The following HDAC9 variants were observed in gnomAD, a reference collection of about 807,000 sequenced individuals.
HDAC9 encodes the protein histone deacetylase 9.
A neutral mutation model predicts 139.4 loss-of-function variants in HDAC9; 41 were observed. The observed-to-expected ratio is 0.29, with a 90% CI of 0.23 to 0.38. The LOEUF is 0.38. HDAC9 is among the 10% of genes least tolerant of loss of function. HDAC9 has a pLI of 1.00. For missense variants in HDAC9, 1,147 were observed against 1,297.0 expected (o/e 0.88, Z 1.78); for synonymous variants, 517 against 476.2 (o/e 1.09, Z -1.12).
At chr7:18,537,448 A>G (rs1211170182) in intron 2 of HDAC9, among the ~76,000 whole-genome samples, 1 of 152,212 alleles carries the variant, frequency 6.6e-6, no homozygotes, top group Non-Finnish European at 1.5e-5. Context: ...AATAAAATCA[A>G]ATGCCCACAA....
intron 1 of HDAC9, 59 bp from the exon 2 acceptor site, chr7:18,496,203 T>G (rs1416102854): frequency 3.8e-6 from 6 of 1,567,260 alleles, no homozygotes; most frequent in South Asian, 3.3e-5. Context: ...GTAGCTGAAG[T>G]AAGAGTGACT....
intron 2 of HDAC9, among the ~76,000 whole-genome samples, chr7:18,577,777 G>T (rs1459081749): frequency 6.6e-6 from 1 of 152,146 alleles, no homozygotes; most frequent in Non-Finnish European, 1.5e-5. Flanking sequence ...AGAGACAGTG[G>T]TTTAGCCCCC....
chr7:18,738,705 T>A (rs1787160542), intron 13 of HDAC9, among the ~76,000 whole-genome samples: 1 of 152,210 alleles, frequency 6.6e-6, no homozygotes, highest in Non-Finnish European at 1.5e-5. Context: ...TTTTCCTTCA[T>A]TTCAACCTTG....
chr7:18,727,802 C>T (rs759790241), intron 13 of HDAC9, 45 bp downstream of exon 13: 2 of 1,357,342 alleles, frequency 1.5e-6, no homozygotes, highest in Non-Finnish European at 2.0e-6. Context: ...GCTAAATGCC[C>T]CGTTCTTGTA....
At chr7:18,636,282 C>T (rs1191865925) in intron 8 of HDAC9, among the ~76,000 whole-genome samples, 5 of 152,038 alleles carry the variant, frequency 3.3e-5, no homozygotes, top group Non-Finnish European at 7.4e-5. Flanking sequence ...ACTGCTGTGT[C>T]CCCTGCCAGC....
chr7:18,097,017 A>G (rs1782550551), intron 1 of HDAC9, among the ~76,000 whole-genome samples: 1 of 152,034 alleles, frequency 6.6e-6, no homozygotes, highest in Non-Finnish European at 1.5e-5. Context: ...GTGATGATGG[A>G]AATATTCTAT....
intron 2 of HDAC9, among the ~76,000 whole-genome samples, chr7:18,180,208 C>T (rs1789283995): frequency 6.8e-6 from 1 of 146,032 alleles, no homozygotes; most frequent in Admixed American, 7.1e-5. Context: ...TTCTTGTGAG[C>T]ACCCTCCCCA....
chr7:18,507,832 A>C (rs1405855722), intron 2 of HDAC9, among the ~76,000 whole-genome samples: 1 of 152,240 alleles, frequency 6.6e-6, no homozygotes, highest in Non-Finnish European at 1.5e-5. Flanking sequence ...AAAGACAAAA[A>C]TAGGAAACAC....
At chr7:18,973,938 C>T (rs1784401713) in intron 24 of HDAC9, among the ~76,000 whole-genome samples, 1 of 152,108 alleles carries the variant, frequency 6.6e-6, no homozygotes, top group Non-Finnish European at 1.5e-5. Context: ...GATTCTATAC[C>T]TTGTCTGCCT....
In HDAC9 at chr7:18,742,737, G is replaced by C. The variant is rs115380892; in HGVS notation, c.1910-6268G>C. Among the ~76,000 whole-genome samples the C allele has an allele frequency of 5.0e-3, 763 of 151,964 alleles. 5 individuals are homozygous for C. Among genetic ancestry groups the C allele is most frequent in the African/African-American group, 0.018 (732 of 41,454 alleles). ...CCTTTATATTCTGGAGGCTTCTCAAGTTTGTATTCAATAGCGCTGATCTGG... is the reference window on the plus strand; with the variant it reads ...CCTTTATATTCTGGAGGCTTCTCAACTTTGTATTCAATAGCGCTGATCTGG... On this transcript the variant is annotated intron_variant, in intron 13 of 25. Coordinates refer to ENST00000686413, the MANE Select transcript of HDAC9 (RefSeq NM_178425.4).
At chr7:18,174,507 C>T (rs562571830) in intron 2 of HDAC9, among the ~76,000 whole-genome samples, 9 of 152,298 alleles carry the variant, frequency 5.9e-5, no homozygotes, top group South Asian at 4.1e-4. Context: ...CGAGGAGCTG[C>T]GATCCTTTGG....
chr7:18,115,006 A>C (rs984869838), intron 1 of HDAC9, among the ~76,000 whole-genome samples: 2 of 152,202 alleles, frequency 1.3e-5, no homozygotes, highest in East Asian at 3.9e-4. Context: ...TAAAAAATTC[A>C]TATGTCCGGG....
At chr7:18,643,251 A>G (rs1380570170) in intron 8 of HDAC9, among the ~76,000 whole-genome samples, 1 of 152,112 alleles carries the variant, frequency 6.6e-6, no homozygotes, top group Non-Finnish European at 1.5e-5. Flanking sequence ...TTGCAACCCC[A>G]CACATTGTAA....
intron 1 of HDAC9, among the ~76,000 whole-genome samples, chr7:18,126,687 G>C (rs949103459): frequency 6.6e-6 from 1 of 152,022 alleles, no homozygotes; most frequent in African/African-American, 2.4e-5. Context: ...TTTCAATTTA[G>C]TTTATTGGCC....
Position 18,145,567 on chromosome 7 carries a change from A to G in HDAC9, c.-96-16662A>G, listed in dbSNP as rs960022564. 3.9e-5 allele frequency among the ~76,000 whole-genome samples: 6 copies of G among 152,234 alleles called. No individual in the cohort carries two copies. In the East Asian group the frequency reaches 1.2e-3, roughly 29 times the overall value. ...ATATTTAAGATTGGAAAGAAACATGATAGCATTCAAATAATTGAATGACTA... is the reference window on the plus strand; with the variant it reads ...ATATTTAAGATTGGAAAGAAACATGGTAGCATTCAAATAATTGAATGACTA... On this transcript the variant is annotated intron_variant, in intron 1 of 12. Transcript: ENST00000417496.
chr7:18,251,797 A>G (rs1794930289), intron 2 of HDAC9, among the ~76,000 whole-genome samples: 1 of 152,102 alleles, frequency 6.6e-6, no homozygotes, highest in African/African-American at 2.4e-5. Flanking sequence ...TAACAGGTGA[A>G]TGACATTTTT....
intron 21 of HDAC9, among the ~76,000 whole-genome samples, chr7:18,870,911 C>A (rs1413359231): frequency 1.8e-4 from 27 of 152,152 alleles, no homozygotes; most frequent in Admixed American, 1.8e-3. Flanking sequence ...AATTCTCCTG[C>A]CTTGGCTTCT....
chr7:18,762,646 G>A (rs1163528708), intron 15 of HDAC9, among the ~76,000 whole-genome samples: 3 of 151,868 alleles, frequency 2.0e-5, no homozygotes, highest in African/African-American at 7.3e-5. Context: ...CCATTTTTTT[G>A]TATCTTTTAG....
intron 1 of HDAC9, among the ~76,000 whole-genome samples, chr7:18,403,995 C>G (rs953952291): frequency 6.6e-6 from 1 of 152,094 alleles, no homozygotes; most frequent in African/African-American, 2.4e-5. Flanking sequence ...TTGTAGGCAG[C>G]AGAAGAGTCT....
Sources: allele counts gnomAD v4.1 joint callset (sites outside exome capture counted in the v4.1 genomes callset), GRCh38; gene constraint gnomAD v4.1.1; transcripts MANE v1.5; gene names NCBI Gene and HGNC (gene_info 2026-07-23, HGNC 2026-07-21).